TMEM244: variants seen among roughly 807,000 people sequenced by gnomAD.
TMEM244 encodes the protein putative transmembrane protein 244.
In TMEM244, 13 loss-of-function variants were observed where a neutral mutation model predicts 15.8. The ratio of observed to expected loss-of-function variants is 0.82; its 90% CI spans 0.53 to 1.30. The LOEUF (loss-of-function observed/expected upper bound fraction) is 1.30, where lower values mean the gene tolerates loss of function less well. Ranked by LOEUF, TMEM244 falls within the 50% of genes most tolerant of loss-of-function variation. The probability of loss-of-function intolerance (pLI) is 0.00; values close to 1 mark genes in which losing one functional copy is unlikely to be tolerated. For synonymous variants in TMEM244, 45 were observed against 48.7 expected, an observed-to-expected ratio of 0.92 and a Z score of 0.32; for missense variants, 161 against 144.9, an observed-to-expected ratio of 1.11 and a Z score of -0.57.
At chr6:129,845,648 A>G in intron 2 of TMEM244, 119 bp downstream of exon 2, 1 of 791,090 alleles carries the variant, frequency 1.3e-6, no homozygotes, top group South Asian at 1.6e-5. Flanking sequence ...GTAAGAAACT[A>G]TGTCTTTAAA....
At chr6:129,858,792 C>A (rs1018325469) in intron 1 of TMEM244, among the ~76,000 whole-genome samples, 1 of 145,184 alleles carries the variant, frequency 6.9e-6, no homozygotes. Context: ...ATAGTAGGAA[C>A]CATAGTCTTT....
At position 129,860,300 on chromosome 6, in the gene TMEM244, G is replaced by A. The variant is rs376299082; in HGVS notation, c.33+856C>T. Among the ~76,000 whole-genome samples, 5 of 152,074 alleles carry A rather than the reference G, an allele frequency of 3.3e-5. No individual in the cohort carries two copies. In the South Asian group the frequency reaches 8.3e-4, roughly 25 times the overall value. ...AATCCCAAATCTATACATAAATTACGAAGTTTAATAACCCCTTAAAAATAA... is the reference window on the plus strand; with the variant it reads ...AATCCCAAATCTATACATAAATTACAAAGTTTAATAACCCCTTAAAAATAA... On this transcript the variant is annotated intron_variant, in intron 1 of 4. Transcript: ENST00000368143.
intron 1 of TMEM244, 103 bp downstream of exon 1, chr6:129,861,053 A>G (rs1776801420): frequency 1.3e-5 from 17 of 1,298,778 alleles, no homozygotes; most frequent in Non-Finnish European, 1.9e-5. Context: ...CCAAAAGTGA[A>G]ACAAGTTGCC....
chr6:129,855,831 G>A (rs1457374449), intron 1 of TMEM244, among the ~76,000 whole-genome samples: 1 of 151,904 alleles, frequency 6.6e-6, no homozygotes, highest in African/African-American at 2.4e-5. Context: ...TATTTTCATT[G>A]CACTGTTCAT....
intron 1 of TMEM244, among the ~76,000 whole-genome samples, chr6:129,848,348 G>A (rs1002076931): frequency 3.9e-5 from 6 of 152,202 alleles, no homozygotes; most frequent in Admixed American, 2.0e-4. Context: ...GTCCGCCACA[G>A]GGCCACGTGC....
rs1198011616 is a variant in TMEM244 at position 129,848,555 on chromosome 6, A to T, written c.34-2703T>A. On this transcript the variant is annotated intron_variant, in intron 1 of 4. Coordinates refer to ENST00000368143, the MANE Select transcript of TMEM244 (RefSeq NM_001010876.2). ...AGGAATCAATCTGGAAATAGCTAAA[A>T]GCCCTCATTTTGTAGAGAAGAGTCT... 1.8e-4 allele frequency among the ~76,000 whole-genome samples: 27 copies of T among 152,232 alleles called. No homozygotes were observed. In the South Asian group the frequency reaches 1.9e-3, roughly 11 times the overall value.
chr6:129,856,944 G>C (rs1776720855), intron 1 of TMEM244, among the ~76,000 whole-genome samples: 1 of 151,800 alleles, frequency 6.6e-6, no homozygotes, highest in Non-Finnish European at 1.5e-5. Flanking sequence ...TAATCATATA[G>C]TGTTAATATA....
rs180701374 is a variant in TMEM244, at chr6:129,848,738, C to G, written c.34-2886G>C. Reference sequence around the variant, plus strand: ...AGGGAGCATCTTGGAGCTTCTTCAGCACTATAATTTTTTTAAGAGTCATGT... The same window carrying G: ...AGGGAGCATCTTGGAGCTTCTTCAGGACTATAATTTTTTTAAGAGTCATGT... On this transcript the variant is annotated intron_variant, in intron 1 of 4. Transcript: ENST00000368143. Among the ~76,000 whole-genome samples the G allele has an allele frequency of 2.2e-4, 34 of 152,250 alleles. No individual in the cohort carries two copies. In the East Asian group the frequency reaches 6.0e-3, roughly 27 times the overall value.
intron 3 of TMEM244, among the ~76,000 whole-genome samples, chr6:129,837,978 CT>C (rs1554206711): frequency 6.6e-6 from 1 of 152,172 alleles, no homozygotes; most frequent in Non-Finnish European, 1.5e-5. Flanking sequence ...TAATGGTAGA[CT>C]TTAACACCCC....
At chr6:129,833,428 T>A in intron 4 of TMEM244, 32 bp downstream of exon 4, 1 of 1,600,362 alleles carries the variant, frequency 6.2e-7, no homozygotes, top group Non-Finnish European at 8.5e-7. Flanking sequence ...TTTAATACAT[T>A]TTCCTTGTTT....
intron 3 of TMEM244, among the ~76,000 whole-genome samples, chr6:129,835,412 A>G (rs961292393): frequency 1.3e-5 from 2 of 151,698 alleles, no homozygotes; most frequent in African/African-American, 4.8e-5. Context: ...CTTAAAAAAA[A>G]AAAAAAAGAG....
Position 129,852,368 on chromosome 6 carries a change from G to A in TMEM244, c.34-6516C>T, listed in dbSNP as rs118086254. Among the ~76,000 whole-genome samples the A allele has an allele frequency of 2.7e-3, 416 of 152,228 alleles. 3 individuals carry two copies. The highest frequency in any genetic ancestry group is 0.017 in the Middle Eastern group (5 of 294). On this transcript the variant is annotated intron_variant, in intron 1 of 4. Transcript: ENST00000368143. ...TGCTTAATACCTGTATGTGCAAGAC[G>A]CCAAGCAAGCCACTTTGCAAACCTT...
intron 1 of TMEM244, among the ~76,000 whole-genome samples, chr6:129,847,483 G>A (rs935759366): frequency 3.3e-5 from 5 of 152,184 alleles, no homozygotes; most frequent in South Asian, 2.1e-4. Context: ...ATACCACAAC[G>A]AATTGGCTGA....
intron 1 of TMEM244, among the ~76,000 whole-genome samples, chr6:129,855,566 C>T (rs1477416940): frequency 6.6e-6 from 1 of 152,152 alleles, no homozygotes. Flanking sequence ...ATTCAGATTT[C>T]CTCTATTGTT....
At chr6:129,845,702 A>G in intron 2 of TMEM244, 65 bp downstream of exon 2, 2 of 1,167,690 alleles carry the variant, frequency 1.7e-6, no homozygotes, top group South Asian at 2.6e-5. Flanking sequence ...GAAATGTTAA[A>G]TATAAACATC....
At chr6:129,842,276 G>C (rs1182715373) in intron 3 of TMEM244, among the ~76,000 whole-genome samples, 3 of 152,116 alleles carry the variant, frequency 2.0e-5, no homozygotes, top group Non-Finnish European at 2.9e-5. Flanking sequence ...TCTTTACTGG[G>C]ACTATTTTCT....
At chr6:129,836,789 T>C (rs4427023) in intron 3 of TMEM244, among the ~76,000 whole-genome samples, 115,395 of 152,006 alleles carry the variant, frequency 0.76, 44,768 homozygotes, top group Non-Finnish European at 0.82. Flanking sequence ...GCATAAGCTT[T>C]AATAGGTAAT....
intron 1 of TMEM244, among the ~76,000 whole-genome samples, chr6:129,860,182 TATAG>T (rs2114650061): frequency 6.6e-6 from 1 of 151,510 alleles, no homozygotes; most frequent in South Asian, 2.1e-4. Context: ...CCCGACTAAA[TATAG>T]AGCCCCCATT....
chr6:129,854,868 T>C (rs1294792756), intron 1 of TMEM244, among the ~76,000 whole-genome samples: 1 of 152,172 alleles, frequency 6.6e-6, no homozygotes, highest in East Asian at 1.9e-4. Flanking sequence ...AGGGATAAGC[T>C]AGGTTTCATG....
Sources: allele counts gnomAD v4.1 joint callset (sites outside exome capture counted in the v4.1 genomes callset), GRCh38; gene constraint gnomAD v4.1.1; transcripts MANE v1.5; gene names NCBI Gene and HGNC (gene_info 2026-07-23, HGNC 2026-07-21).